The following USP50 variants were observed in gnomAD, a reference collection of about 807,000 sequenced individuals.
USP50 encodes the protein ubiquitin carboxyl-terminal hydrolase 50.
A neutral mutation model predicts 39.2 loss-of-function variants in USP50; 37 were observed. The ratio of observed to expected loss-of-function variants is 0.94; its 90% CI spans 0.73 to 1.24. The LOEUF (loss-of-function observed/expected upper bound fraction) is 1.24. Among genes scored for constraint, USP50 ranks in the 50% most tolerant of loss-of-function variants. The pLI, the probability that USP50 is intolerant of heterozygous loss-of-function variation, is 0.00. For missense variants in USP50, 374 were observed against 398.2 expected (o/e 0.94, Z 0.52); for synonymous variants, 139 against 144.5 (o/e 0.96, Z 0.27).
At chr15:50,540,927 T>G in intron 4 of USP50, 122 bp downstream of exon 4, 1 of 780,576 alleles carries the variant, frequency 1.3e-6, no homozygotes, top group South Asian at 1.8e-5. Flanking sequence ...CTCAGTCTAT[T>G]TTTTTTTAAA....
chr15:50,544,090 G>C, intron 2 of USP50: 1 of 358,968 alleles, frequency 2.8e-6, no homozygotes. Context: ...CACTTTGGGG[G>C]GCCGAGGTGG....
chr15:50,501,182 G>A (rs150459071), intron 6 of USP50: 454 of 226,964 alleles, frequency 2.0e-3, no homozygotes, highest in Non-Finnish European at 3.5e-3. Flanking sequence ...AATTCAGGCC[G>A]GGCACAGTGG....
At chr15:50,532,232 CAAG>C (rs1442396261) in intron 5 of USP50, 21 of 456,100 alleles carry the variant, frequency 4.6e-5, no homozygotes, top group Non-Finnish European at 7.5e-5. Flanking sequence ...ATGCTTCTGG[CAAG>C]AAGAAGGGAA....
intron 6 of USP50, among the ~76,000 whole-genome samples, chr15:50,514,821 C>A (rs1596008910): frequency 6.6e-6 from 1 of 151,994 alleles, no homozygotes; most frequent in African/African-American, 2.4e-5. Context: ...AGCCACCACC[C>A]CTGGCCTACA....
downstream of USP50, chr15:50,498,461 C>A (rs542062537): frequency 1.7e-6 from 2 of 1,174,304 alleles, no homozygotes; most frequent in Admixed American, 6.1e-5. Context: ...TAACAGGTTC[C>A]TCTACTACTA....
At chr15:50,523,638 T>A (rs926805000) in intron 6 of USP50, among the ~76,000 whole-genome samples, 1 of 151,994 alleles carries the variant, frequency 6.6e-6, no homozygotes, top group Non-Finnish European at 1.5e-5. Flanking sequence ...CTGAAGAAAA[T>A]GCAAATAAAT....
At chr15:50,494,403 CTG>C in intron 1 of USP50, 1 of 769,280 alleles carries the variant, frequency 1.3e-6, no homozygotes, top group Non-Finnish European at 2.0e-6. Context: ...CAAATAGTGA[CTG>C]TATAAGAGAA....
intron 5 of USP50, among the ~76,000 whole-genome samples, chr15:50,533,270 A>C (rs563895270): frequency 6.6e-6 from 1 of 152,188 alleles, no homozygotes; most frequent in East Asian, 1.9e-4. Flanking sequence ...TGGCAATACC[A>C]AAAGAAAAAG....
intron 5 of USP50, 89 bp from the exon 6 acceptor site, chr15:50,530,018 AT>A (rs79153765): frequency 6.4e-7 from 1 of 1,551,330 alleles, no homozygotes; most frequent in Admixed American, 1.8e-5. Flanking sequence ...TTTAAAAGTA[AT>A]TTCTTGACTG....
intron 6 of USP50, chr15:50,510,783 G>T (rs3098182): frequency 0.58 from 87,194 of 150,454 alleles, 25,168 homozygotes; most frequent in Admixed American, 0.63. Flanking sequence ...TTGTTTTTTG[G>T]TTTTTTTTTT....
Position 50,543,706 on chromosome 15 carries a change from G to T in USP50, c.336C>A (p.Phe112Leu), listed in dbSNP as rs777787772. 6.2e-7 allele frequency: 1 copy of T among 1,612,234 alleles called. No homozygotes were observed. The highest frequency in any genetic ancestry group is 2.2e-5 in the East Asian group (1 of 44,862). The change falls in exon 3 of 7, where the codon TTC becomes TTA. Residue 112 changes from phenylalanine to leucine, a missense_variant. By Grantham distance (22) the Phe-to-Leu change is conservative. Coordinates refer to ENST00000532404, the MANE Select transcript of USP50 (RefSeq NM_203494.5). Reference sequence around the variant, plus strand: ...GGTAGAGGTTGCCAAGAGCTGACCAGAATATTTCTGGTGAGACACAGTCTG... The same window carrying T: ...GGTAGAGGTTGCCAAGAGCTGACCATAATATTTCTGGTGAGACACAGTCTG... ...GDSDCVSPEI[F>L]WSALGNLYPA...
intron 6 of USP50, among the ~76,000 whole-genome samples, chr15:50,523,781 T>A (rs1015358225): frequency 6.6e-6 from 1 of 151,870 alleles, no homozygotes; most frequent in Non-Finnish European, 1.5e-5. Flanking sequence ...TAGAAAAAAA[T>A]CCTTAAATTT....
intron 6 of USP50, among the ~76,000 whole-genome samples, chr15:50,524,972 T>C (rs7173217): frequency 0.082 from 12,545 of 152,210 alleles, 921 homozygotes; most frequent in African/African-American, 0.19. Context: ...TGAAGGGATA[T>C]CTACATGCCC....
At chr15:50,537,708 G>C (rs2052990230) in intron 5 of USP50, among the ~76,000 whole-genome samples, 2 of 150,690 alleles carry the variant, frequency 1.3e-5, no homozygotes, top group South Asian at 4.2e-4. Context: ...AAAAAAATAA[G>C]AATTAGCTGG....
At chr15:50,500,043 A>T (rs1016687664), downstream of USP50, 1 of 152,164 alleles carries the variant, frequency 6.6e-6, no homozygotes, top group Non-Finnish European at 1.5e-5. Flanking sequence ...TAATTTATTT[A>T]ACCGAGGGAC....
chr15:50,535,841 G>T (rs1221328488), intron 5 of USP50, among the ~76,000 whole-genome samples: 1 of 151,980 alleles, frequency 6.6e-6, no homozygotes, highest in African/African-American at 2.4e-5. Flanking sequence ...AAAAATTAAT[G>T]AAATCTATCA....
intron 6 of USP50, chr15:50,511,644 T>C (rs1005642263): frequency 1.3e-5 from 2 of 152,230 alleles, no homozygotes; most frequent in African/African-American, 4.8e-5. Context: ...GAAAACATTA[T>C]GCTGAATAAA....
intron 6 of USP50, among the ~76,000 whole-genome samples, chr15:50,520,801 A>C (rs1204604043): frequency 6.6e-6 from 1 of 152,204 alleles, no homozygotes; most frequent in Non-Finnish European, 1.5e-5. Flanking sequence ...GGAGGTAAAG[A>C]GATAGTTACC....
intron 5 of USP50, among the ~76,000 whole-genome samples, chr15:50,530,258 G>C (rs1265130477): frequency 2.6e-5 from 4 of 151,990 alleles, no homozygotes; most frequent in African/African-American, 9.7e-5. Context: ...ACTCCAGCCT[G>C]GGTGACAGAG....
Sources: allele counts gnomAD v4.1 joint callset (sites outside exome capture counted in the v4.1 genomes callset), GRCh38; gene constraint gnomAD v4.1.1; transcripts MANE v1.5; gene names NCBI Gene and HGNC (gene_info 2026-07-23, HGNC 2026-07-21).